KIF3B: variants seen among roughly 807,000 people sequenced by gnomAD.
KIF3B encodes the protein kinesin family member 3B.
Under a neutral mutation model 74.3 loss-of-function variants are expected in KIF3B, and 38 were observed. That is an observed-to-expected ratio of 0.51 (90% confidence interval 0.39 to 0.67). The LOEUF (loss-of-function observed/expected upper bound fraction) is 0.67, where lower values mean the gene tolerates loss of function less well. Ranked by LOEUF, KIF3B falls within the 30% of genes least tolerant of loss-of-function variation. The pLI is 0.00. For synonymous variants in KIF3B, 326 were observed against 342.5 expected (o/e 0.95, Z 0.53); for missense variants, 649 against 932.0 (o/e 0.70, Z 3.95).
Position 32,328,599 on chromosome 20 carries a change from C to T in KIF3B, c.1968+938C>T, listed in dbSNP as rs181568268. Among the ~76,000 whole-genome samples the T allele has an allele frequency of 1.1e-4, 15 of 141,030 alleles. No individual in the cohort carries two copies. In the East Asian group the frequency reaches 1.2e-3, roughly 11 times the overall value. 92.5% of individuals were successfully genotyped at this position (141,030 alleles called of 152,430 possible). A position where few individuals can be genotyped will look rare whatever the true frequency, so the allele number is the denominator to read the frequency against. On this transcript the variant is annotated intron_variant, in intron 7 of 8. Transcript: ENST00000375712. ...CTGCACTCCAGCCTGGGTGGCAGAGCGACACTCTGTCTCAAAAAAAAAAAA... is the reference window on the plus strand; with the variant it reads ...CTGCACTCCAGCCTGGGTGGCAGAGTGACACTCTGTCTCAAAAAAAAAAAA...
chr20:32,292,851 C>T (rs2047699849), intron 1 of KIF3B, among the ~76,000 whole-genome samples: 1 of 152,188 alleles, frequency 6.6e-6, no homozygotes, highest in South Asian at 2.1e-4. Flanking sequence ...ACCAACTACT[C>T]CCACTTACCC....
rs762684375 is a variant in KIF3B at position 32,330,221 on chromosome 20, G to A, written c.2049G>A (p.Lys683=). ...RDYEGPAIAP[K]VQAALDAALQ... ...ATGAGGGTCCAGCCATTGCCCCCAA[G>A]GTCCAGGCTGCATTGGATGCGGCTC... The change falls in exon 8 of 9, where the codon AAG becomes AAA. Residue 683 remains lysine, a synonymous_variant. Coordinates refer to ENST00000375712, the MANE Select transcript of KIF3B (RefSeq NM_004798.4). 6.2e-7 allele frequency: 1 copy of A among 1,614,104 alleles called. No homozygotes were observed. The highest frequency in any genetic ancestry group is 8.5e-7 in the Non-Finnish European group (1 of 1,180,016).
chr20:32,282,354 T>C (rs1255734288), intron 1 of KIF3B, among the ~76,000 whole-genome samples: 5 of 152,172 alleles, frequency 3.3e-5, no homozygotes, highest in East Asian at 1.9e-4. Flanking sequence ...CATCTGCCTC[T>C]GAAATGATGA....
At chr20:32,322,297 G>A (rs1294241947) in intron 5 of KIF3B, among the ~76,000 whole-genome samples, 2 of 151,234 alleles carry the variant, frequency 1.3e-5, no homozygotes, top group East Asian at 3.9e-4. Flanking sequence ...TTTATTTTTG[G>A]AATATTAATT....
intron 1 of KIF3B, among the ~76,000 whole-genome samples, chr20:32,290,213 G>A (rs1406513597): frequency 2.6e-5 from 4 of 151,858 alleles, no homozygotes; most frequent in African/African-American, 9.7e-5. Context: ...TGAAACCCAC[G>A]CTCTACTAAA....
chr20:32,322,932 A>ATATATT (rs1388049117), intron 5 of KIF3B, among the ~76,000 whole-genome samples: 14 of 57,152 alleles, frequency 2.4e-4, no homozygotes, highest in Admixed American at 1.7e-3. Context: ...ATATATACAT[A>ATATATT]TTTATATATA....
chr20:32,325,160 T>A (rs1432166018), intron 5 of KIF3B, among the ~76,000 whole-genome samples: 2 of 152,108 alleles, frequency 1.3e-5, no homozygotes, highest in Non-Finnish European at 2.9e-5. Context: ...AGTGAAATTG[T>A]GGGTGATTAT....
chr20:32,316,544 A>T lies in KIF3B; in HGVS notation c.1524A>T (p.Glu508Asp), dbSNP rs2047828554. ...TTGCTCAGAAACGTCGAGAAAGAGA[A>T]ATCCAGCAACAGATGGAAAGTCGAG... ...EIAEQKRRER[E>D]IQQQMESRDE... The change falls in exon 4 of 9, where the codon GAA (glutamate) becomes GAT (aspartate). Residue 508 changes from glutamate (E) to aspartate (D), a missense_variant. By Grantham distance (45) the Glu-to-Asp change is conservative. Transcript: ENST00000375712. 6.2e-7 allele frequency: 1 copy of T among 1,614,094 alleles called. No homozygotes were observed. The highest frequency in any genetic ancestry group is 1.7e-5 in the Admixed American group (1 of 59,982).
intron 1 of KIF3B, among the ~76,000 whole-genome samples, chr20:32,281,115 A>G (rs1430886051): frequency 1.3e-5 from 2 of 152,210 alleles, no homozygotes; most frequent in South Asian, 2.1e-4. Context: ...AATACTTGAC[A>G]ATAACAATAA....
Position 32,333,046 on chromosome 20 carries a change from T to A in KIF3B, c.*1727T>A, listed in dbSNP as rs940122306. The A allele has an allele frequency of 4.6e-5, 7 of 152,758 alleles. No individual in the cohort carries two copies. The highest frequency in any genetic ancestry group is 1.7e-4 in the African/African-American group (7 of 41,564). The allele number at this position is 152,758 out of a possible 1,614,324, so 9.5% of individuals were successfully genotyped here. A position where few individuals can be genotyped will look rare whatever the true frequency, so the allele number is the denominator to read the frequency against. On this transcript the variant is annotated 3_prime_UTR_variant, in exon 9 of 9. Coordinates refer to ENST00000375712, the MANE Select transcript of KIF3B (RefSeq NM_004798.4). ...AACAGGAGGTACTAAGTGCAATGTC[T>A]TAGCATTCTGCAAAATGGAGATCTG...
intron 1 of KIF3B, among the ~76,000 whole-genome samples, chr20:32,303,283 G>A (rs1237421505): frequency 6.6e-6 from 1 of 152,134 alleles, no homozygotes; most frequent in African/African-American, 2.4e-5. Context: ...TGTTATTTTA[G>A]AGTGGGCGCT....
chr20:32,285,424 T>A (rs1485425208), intron 1 of KIF3B, among the ~76,000 whole-genome samples: 2 of 152,216 alleles, frequency 1.3e-5, no homozygotes, highest in Admixed American at 1.3e-4. Flanking sequence ...ACATTCCATC[T>A]CACTGTGCCT....
intron 7 of KIF3B, among the ~76,000 whole-genome samples, chr20:32,328,862 T>C (rs1448501272): frequency 1.3e-5 from 2 of 152,000 alleles, no homozygotes; most frequent in African/African-American, 4.8e-5. Flanking sequence ...AATAGAAAAA[T>C]AGAAACTCTG....
chr20:32,327,519 C>T, intron 6 of KIF3B, 37 bp from the exon 7 acceptor site: 1 of 1,564,712 alleles, frequency 6.4e-7, no homozygotes, highest in Middle Eastern at 1.7e-4. Context: ...TTCCACAGGA[C>T]TCCAGCCAGG....
chr20:32,327,773 A>G (rs150186097), intron 7 of KIF3B, 112 bp downstream of exon 7: 9,166 of 668,358 alleles, frequency 0.014, 152 homozygotes, highest in South Asian at 0.051. Context: ...GAGGTACTTG[A>G]AGACATTTAT....
intron 1 of KIF3B, among the ~76,000 whole-genome samples, chr20:32,279,680 G>T (rs1027993107): frequency 6.6e-5 from 10 of 152,146 alleles, no homozygotes; most frequent in South Asian, 2.1e-4. Context: ...GGTCAGGCTG[G>T]TCTCAAACTC....
intron 1 of KIF3B, among the ~76,000 whole-genome samples, chr20:32,303,635 A>G (rs1002871302): frequency 3.3e-5 from 5 of 152,020 alleles, no homozygotes; most frequent in African/African-American, 1.2e-4. Context: ...TGGGAGGCCA[A>G]GGCAGGTGGA....
chr20:32,302,197 G>C (rs2047747716), intron 1 of KIF3B, among the ~76,000 whole-genome samples: 1 of 152,184 alleles, frequency 6.6e-6, no homozygotes, highest in Non-Finnish European at 1.5e-5. Flanking sequence ...TCTCTCCTTT[G>C]AGGAAGACCC....
chr20:32,321,918 A>G (rs1292168206), intron 5 of KIF3B, among the ~76,000 whole-genome samples: 23 of 152,180 alleles, frequency 1.5e-4, no homozygotes, highest in Admixed American at 1.5e-3. Flanking sequence ...TGCACTGGGA[A>G]ACCAAAAAAT....
Sources: allele counts gnomAD v4.1 joint callset (sites outside exome capture counted in the v4.1 genomes callset), GRCh38; gene constraint gnomAD v4.1.1; transcripts MANE v1.5; gene names NCBI Gene and HGNC (gene_info 2026-07-23, HGNC 2026-07-21).